Variants in JPH1 observed in about 807,000 individuals in gnomAD.
The protein encoded by JPH1 is junctophilin-1.
In JPH1, 12 loss-of-function variants were observed where a neutral mutation model predicts 53.6. The ratio of observed to expected loss-of-function variants is 0.22; its 90% CI spans 0.14 to 0.36. The LOEUF (loss-of-function observed/expected upper bound fraction) is 0.36, where lower values mean the gene tolerates loss of function less well. Among genes scored for constraint, JPH1 ranks in the 10% least tolerant of loss-of-function variants. The pLI, the probability that JPH1 is intolerant of heterozygous loss-of-function variation, is 1.00. For missense variants in JPH1, 808 were observed against 905.5 expected, an observed-to-expected ratio of 0.89 and a Z score of 1.38; for synonymous variants, 375 against 363.8, an observed-to-expected ratio of 1.03 and a Z score of -0.35.
intron 2 of JPH1, among the ~76,000 whole-genome samples, chr8:74,265,327 CTTATTT>C (rs1206467061): frequency 6.6e-6 from 1 of 152,112 alleles, no homozygotes; most frequent in Non-Finnish European, 1.5e-5. Context: ...AAAATAAGTA[CTTATTT>C]TTAATTAAGT....
chr8:74,266,671 T>C (rs1414381978), intron 2 of JPH1, among the ~76,000 whole-genome samples: 1 of 152,222 alleles, frequency 6.6e-6, no homozygotes, highest in Non-Finnish European at 1.5e-5. Context: ...ATGGTCAAGA[T>C]GGTAAATTTT....
intron 4 of JPH1, among the ~76,000 whole-genome samples, chr8:74,238,265 G>A (rs1805594244): frequency 6.6e-6 from 1 of 152,140 alleles, no homozygotes; most frequent in Admixed American, 6.5e-5. Flanking sequence ...TGTTACAGAG[G>A]CCTCAAAAGT....
intron 2 of JPH1, among the ~76,000 whole-genome samples, chr8:74,311,014 T>C (rs777468280): frequency 6.6e-6 from 1 of 152,130 alleles, no homozygotes; most frequent in Non-Finnish European, 1.5e-5. Flanking sequence ...GGGCCTTCAG[T>C]CTTCTCTACC....
At chr8:74,251,589 TTTG>T (rs1806063488) in intron 3 of JPH1, among the ~76,000 whole-genome samples, 1 of 152,154 alleles carries the variant, frequency 6.6e-6, no homozygotes, top group Non-Finnish European at 1.5e-5. Context: ...CCCACATGGC[TTTG>T]TTTTTTTCTT....
chr8:74,257,832 G>A (rs932650370), intron 3 of JPH1, among the ~76,000 whole-genome samples: 3 of 152,030 alleles, frequency 2.0e-5, no homozygotes, highest in Non-Finnish European at 4.4e-5. Context: ...CCTTGGACTT[G>A]AACTCTTAGA....
At chr8:74,259,849 A>AT (rs1293895491) in intron 2 of JPH1, among the ~76,000 whole-genome samples, 1 of 152,236 alleles carries the variant, frequency 6.6e-6, no homozygotes, top group African/African-American at 2.4e-5. Flanking sequence ...GGAAAGTAGA[A>AT]TTAGAACATA....
At chr8:74,252,368 CA>C (rs1806091399) in intron 3 of JPH1, among the ~76,000 whole-genome samples, 2 of 152,098 alleles carry the variant, frequency 1.3e-5, no homozygotes, top group Admixed American at 1.3e-4. Context: ...AAGAAACTAC[CA>C]TCAGAGTGAA....
At chr8:74,303,002 G>T (rs1304823456) in intron 2 of JPH1, among the ~76,000 whole-genome samples, 1 of 150,928 alleles carries the variant, frequency 6.6e-6, no homozygotes, top group Non-Finnish European at 1.5e-5. Flanking sequence ...TGCTCACTGG[G>T]TAGGTCCCTT....
chr8:74,243,093 G>A (rs187616881), intron 4 of JPH1, among the ~76,000 whole-genome samples: 188 of 152,288 alleles, frequency 1.2e-3, no homozygotes, highest in Middle Eastern at 3.4e-3. Flanking sequence ...GTATGGCCTT[G>A]CATTGTTTGA....
chr8:74,275,210 G>C (rs535247058), intron 2 of JPH1, among the ~76,000 whole-genome samples: 2 of 152,090 alleles, frequency 1.3e-5, no homozygotes, highest in Non-Finnish European at 2.9e-5. Flanking sequence ...CCCTAACACA[G>C]GAGGGACCAT....
intron 2 of JPH1, among the ~76,000 whole-genome samples, chr8:74,281,832 A>G (rs1396719886): frequency 6.6e-6 from 1 of 152,124 alleles, no homozygotes. Context: ...AATCACTGGT[A>G]CCACCCACTG....
chr8:74,247,833 G>A (rs1315159223), intron 3 of JPH1, among the ~76,000 whole-genome samples: 2 of 152,084 alleles, frequency 1.3e-5, no homozygotes, highest in East Asian at 3.9e-4. Context: ...TTAAGAAATT[G>A]TAACATCACT....
chr8:74,282,444 A>C (rs1285901585), intron 2 of JPH1, among the ~76,000 whole-genome samples: 1 of 152,218 alleles, frequency 6.6e-6, no homozygotes, highest in African/African-American at 2.4e-5. Context: ...TGCCATTAGG[A>C]TAGAGATGTC....
At chr8:74,301,652 C>G (rs1807685519) in intron 2 of JPH1, among the ~76,000 whole-genome samples, 1 of 152,160 alleles carries the variant, frequency 6.6e-6, no homozygotes, top group Non-Finnish European at 1.5e-5. Flanking sequence ...ACTGTTTGCT[C>G]CCTAACTTCC....
intron 3 of JPH1, among the ~76,000 whole-genome samples, chr8:74,247,928 A>G (rs1192719687): frequency 6.6e-6 from 1 of 152,218 alleles, no homozygotes; most frequent in East Asian, 1.9e-4. Flanking sequence ...CTTCAGCACC[A>G]TCAGTATAGG....
intron 2 of JPH1, among the ~76,000 whole-genome samples, chr8:74,280,908 GTTA>G (rs1294017455): frequency 6.6e-6 from 1 of 152,134 alleles, no homozygotes; most frequent in South Asian, 2.1e-4. Flanking sequence ...GTTCTGCAAG[GTTA>G]TTATTCGCTC....
intron 3 of JPH1, among the ~76,000 whole-genome samples, chr8:74,256,788 A>G (rs1806252624): frequency 6.6e-6 from 1 of 152,262 alleles, no homozygotes; most frequent in African/African-American, 2.4e-5. Flanking sequence ...AAACTAAACA[A>G]CATAAGATTT....
rs1808122667 is a variant in JPH1 at position 74,315,435 on chromosome 8, T to C, written c.565A>G (p.Thr189Ala). The C allele has an allele frequency of 3.1e-6, 5 of 1,611,390 alleles. No homozygotes were observed. The highest frequency in any genetic ancestry group is 3.4e-6 in the Non-Finnish European group (4 of 1,179,358). ...AAAAADSPAG[T>A]RGGFVLNFHA... ...AAGTTGAGCACGAAACCGCCGCGGG[T>C]GCCGGCCGGGCTGTCGGCGGCGGCT... is the stretch of plus-strand genomic sequence containing the variant. The change falls in exon 2 of 6, where the codon ACC becomes GCC. Residue 189 changes from threonine to alanine, a missense_variant. Coordinates refer to ENST00000342232, the MANE Select transcript of JPH1 (RefSeq NM_020647.4). This position sits in a 1 kb window ranked among gnomAD's most constrained non-coding sequence, Gnocchi z 6.3.
intron 2 of JPH1, among the ~76,000 whole-genome samples, chr8:74,290,706 C>A (rs890637496): frequency 6.6e-6 from 1 of 152,188 alleles, no homozygotes; most frequent in Non-Finnish European, 1.5e-5. Context: ...AAGCTGGAGG[C>A]ATCACGCTAC....
Sources: allele counts gnomAD v4.1 joint callset (sites outside exome capture counted in the v4.1 genomes callset), GRCh38; gene constraint gnomAD v4.1.1; non-coding constraint Gnocchi (gnomAD v3.1); transcripts MANE v1.5; gene names NCBI Gene and HGNC (gene_info 2026-07-23, HGNC 2026-07-21).